CACNB2: variants seen among roughly 807,000 people sequenced by gnomAD.
CACNB2 encodes calcium voltage-gated channel auxiliary subunit beta 2.
CACNB2 carries 42 observed loss-of-function variants against 73.3 expected under a neutral mutation model. The observed-to-expected ratio is 0.57, with a 90% confidence interval of 0.45 to 0.74. The LOEUF is 0.74. CACNB2 is among the 30% of genes least tolerant of loss of function. The pLI is 0.00. For missense variants in CACNB2, 940 were observed against 853.0 expected, an observed-to-expected ratio of 1.10 and a Z score of -1.27; for synonymous variants, 348 against 310.3, an observed-to-expected ratio of 1.12 and a Z score of -1.28.
chr10:18,411,632 C>A (rs573160342), intron 3 of CACNB2, among the ~76,000 whole-genome samples: 1 of 151,738 alleles, frequency 6.6e-6, no homozygotes, highest in Non-Finnish European at 1.5e-5. Context: ...CCTCAGCCTC[C>A]GGAGTAGCTG....
chr10:18,297,734 G>C (rs1367896748), intron 2 of CACNB2, among the ~76,000 whole-genome samples: 1 of 152,122 alleles, frequency 6.6e-6, no homozygotes, highest in Non-Finnish European at 1.5e-5. Context: ...GGTGAGATGA[G>C]CTTTCAGCTG....
chr10:18,355,905 G>T (rs1273766241), intron 2 of CACNB2, among the ~76,000 whole-genome samples: 2 of 151,930 alleles, frequency 1.3e-5, no homozygotes, highest in African/African-American at 2.4e-5. Flanking sequence ...CAAAACACTG[G>T]GATTACAGGC....
At chr10:18,532,132 A>G (rs1245924548) in intron 10 of CACNB2, among the ~76,000 whole-genome samples, 1 of 152,220 alleles carries the variant, frequency 6.6e-6, no homozygotes, top group Non-Finnish European at 1.5e-5. Context: ...CAAAAGTATT[A>G]TCAGAATTTG....
intron 9 of CACNB2, among the ~76,000 whole-genome samples, chr10:18,526,551 T>C (rs1043056827): frequency 6.6e-6 from 1 of 152,266 alleles, no homozygotes; most frequent in Non-Finnish European, 1.5e-5. Flanking sequence ...TTTAGAAATA[T>C]TGTGAGCCTT....
chr10:18,381,859 T>C (rs2043033084), intron 2 of CACNB2, among the ~76,000 whole-genome samples: 1 of 151,976 alleles, frequency 6.6e-6, no homozygotes, highest in South Asian at 2.1e-4. Flanking sequence ...ACATTCATGA[T>C]GTGGCTCACC....
chr10:18,452,355 G>A (rs1294046276), intron 3 of CACNB2, among the ~76,000 whole-genome samples: 4 of 152,124 alleles, frequency 2.6e-5, no homozygotes, highest in Non-Finnish European at 4.4e-5. Context: ...TTAAGCCCAG[G>A]AGGCTGAGGC....
At chr10:18,319,780 T>C (rs1415218533) in intron 2 of CACNB2, among the ~76,000 whole-genome samples, 11 of 152,142 alleles carry the variant, frequency 7.2e-5, no homozygotes, top group Non-Finnish European at 2.9e-5. Flanking sequence ...AAGGACTCTC[T>C]AATGAGGTGA....
At chr10:18,318,480 TG>T (rs1286464432) in intron 2 of CACNB2, among the ~76,000 whole-genome samples, 1 of 152,154 alleles carries the variant, frequency 6.6e-6, no homozygotes, top group African/African-American at 2.4e-5. Context: ...TAACTCAAGG[TG>T]GATTAAAGAC....
intron 2 of CACNB2, among the ~76,000 whole-genome samples, chr10:18,217,924 G>T (rs2035578572): frequency 6.6e-6 from 1 of 152,094 alleles, no homozygotes; most frequent in South Asian, 2.1e-4. Context: ...GGTTGAGATG[G>T]TGGTGCATGC....
chr10:18,387,246 C>T (rs1184056251), intron 2 of CACNB2, among the ~76,000 whole-genome samples: 2 of 152,180 alleles, frequency 1.3e-5, no homozygotes, highest in Non-Finnish European at 2.9e-5. Context: ...ATCTATTTCC[C>T]TTTAGAAGCT....
chr10:18,163,977 G>A (rs2032663050), intron 2 of CACNB2, among the ~76,000 whole-genome samples: 2 of 152,192 alleles, frequency 1.3e-5, no homozygotes. Context: ...CTTAGATGAT[G>A]TCCTGCCTAT....
At chr10:18,476,285 C>T (rs2048435591) in intron 3 of CACNB2, among the ~76,000 whole-genome samples, 1 of 152,108 alleles carries the variant, frequency 6.6e-6, no homozygotes, top group Non-Finnish European at 1.5e-5. Flanking sequence ...AGGGTGTCCA[C>T]GTTCTTGGCG....
At chr10:18,443,456 C>T (rs4747346) in intron 3 of CACNB2, among the ~76,000 whole-genome samples, 100,740 of 151,882 alleles carry the variant, frequency 0.66, 34,064 homozygotes, top group South Asian at 0.74. Flanking sequence ...GCTGTTCTGC[C>T]GGGCTTCTCC....
intron 2 of CACNB2, among the ~76,000 whole-genome samples, chr10:18,163,580 A>T (rs1000037129): frequency 9.2e-5 from 14 of 152,178 alleles, no homozygotes; most frequent in Admixed American, 4.6e-4. Flanking sequence ...GGGCCGCAAC[A>T]CTGACATCAA....
intron 1 of CACNB2, among the ~76,000 whole-genome samples, chr10:18,143,324 G>A (rs935235074): frequency 1.3e-5 from 2 of 152,312 alleles, no homozygotes; most frequent in African/African-American, 2.4e-5. Context: ...AGTTTGGGCC[G>A]AGGTAATAAG....
chr10:18,347,812 C>T (rs1477732951), intron 2 of CACNB2, among the ~76,000 whole-genome samples: 3 of 152,072 alleles, frequency 2.0e-5, no homozygotes, highest in African/African-American at 7.2e-5. Flanking sequence ...TTCTGTTGGA[C>T]CCAGGTTGAG....
chr10:18,225,324 T>A (rs1299538820), intron 2 of CACNB2, among the ~76,000 whole-genome samples: 1 of 152,032 alleles, frequency 6.6e-6, no homozygotes, highest in African/African-American at 2.4e-5. Context: ...GTTTATTAAG[T>A]CCCTACTTGA....
In CACNB2 at chr10:18,356,942, C is replaced by CTTTTTTTTTTTTTTTTTTTTTTTT. The variant is rs71402158; in HGVS notation, c.214-44962_214-44961insTTTTTTTTTTTTTTTTTTTTTTTT. 2.0e-5 allele frequency among the ~76,000 whole-genome samples: 2 copies of CTTTTTTTTTTTTTTTTTTTTTTTT among 101,104 alleles called. 1 individual carries two copies. The highest frequency in any genetic ancestry group is 4.1e-5 in the Non-Finnish European group (2 of 49,184). The allele number at this position is 101,104 out of a possible 152,430, so 66.3% of individuals were successfully genotyped here. On this transcript the variant is annotated intron_variant, in intron 2 of 13. Transcript: ENST00000324631. ...ACTGTGCCTGGCCCAGACTCAATTTCTTTTTTTTTTTTTTTTTTTTGAGAC... is the reference window on the plus strand; with the variant it reads ...ACTGTGCCTGGCCCAGACTCAATTTCTTTTTTTTTTTTTTTTTTTTTTTTTTTTTTTTTTTTTTTTTTTTGAGAC...
At chr10:18,342,808 T>C (rs1280250132) in intron 2 of CACNB2, among the ~76,000 whole-genome samples, 1 of 152,130 alleles carries the variant, frequency 6.6e-6, no homozygotes, top group Non-Finnish European at 1.5e-5. Context: ...TAAATGGAGA[T>C]AATTTTTTAA....
Sources: allele counts gnomAD v4.1 joint callset (sites outside exome capture counted in the v4.1 genomes callset), GRCh38; gene constraint gnomAD v4.1.1; transcripts MANE v1.5; gene names NCBI Gene and HGNC (gene_info 2026-07-23, HGNC 2026-07-21).